AGMO: variants seen among roughly 807,000 people sequenced by gnomAD.
AGMO encodes the protein glyceryl-ether monooxygenase.
Under a neutral mutation model 60.2 loss-of-function variants are expected in AGMO, and 75 were observed. The observed-to-expected ratio is 1.25, with a 90% confidence interval of 1.03 to 1.51. The LOEUF (loss-of-function observed/expected upper bound fraction) is 1.51, where lower values mean the gene tolerates loss of function less well. Among genes scored for constraint, AGMO ranks in the 40% most tolerant of loss-of-function variants. The probability of loss-of-function intolerance (pLI) is 0.00; values close to 1 mark genes in which losing one functional copy is unlikely to be tolerated. For missense variants in AGMO, 763 were observed against 525.5 expected, an observed-to-expected ratio of 1.45 and a Z score of -4.42; for synonymous variants, 261 against 177.1, an observed-to-expected ratio of 1.47 and a Z score of -3.76.
At chr7:15,395,500 T>C (rs1024658379) in intron 5 of AGMO, among the ~76,000 whole-genome samples, 4 of 152,094 alleles carry the variant, frequency 2.6e-5, no homozygotes, top group African/African-American at 9.7e-5. Flanking sequence ...TTGGGAGTTA[T>C]AATAACATTG....
intron 5 of AGMO, among the ~76,000 whole-genome samples, chr7:15,402,016 C>A (rs1392292022): frequency 2.0e-5 from 3 of 151,316 alleles, no homozygotes; most frequent in African/African-American, 7.2e-5. Flanking sequence ...TTATTCACTG[C>A]CACCAGTATT....
the AGMO span, among the ~76,000 whole-genome samples, chr7:15,134,489 T>A: frequency 6.6e-6 from 1 of 152,146 alleles, no homozygotes; most frequent in Non-Finnish European, 1.5e-5. Flanking sequence ...GTGTTGGTTG[T>A]TCCCTTCCTT....
rs1019224229 is a variant in AGMO at position 15,471,039 on chromosome 7, T to C, written c.410-39931A>G. On this transcript the variant is annotated intron_variant, in intron 3 of 12. Transcript: ENST00000342526. ...TGGAGATACATTTGCTCTCTGGATT[T>C]AGTGATATATTGCAACTCCAGCACA... Among the ~76,000 whole-genome samples, 7 of 152,108 alleles carry C rather than the reference T, an allele frequency of 4.6e-5. No individual in the cohort carries two copies. The Middle Eastern group carries it at 0.01, about 222-fold the overall frequency.
chr7:15,284,013 A>T (rs1784035880), intron 12 of AGMO, among the ~76,000 whole-genome samples: 1 of 152,120 alleles, frequency 6.6e-6, no homozygotes. Flanking sequence ...GATGGAATTT[A>T]AAAAGTTATT....
At chr7:15,201,416 T>A in intron 12 of AGMO, 57 bp from the exon 13 acceptor site, 1 of 1,207,866 alleles carries the variant, frequency 8.3e-7, no homozygotes, top group South Asian at 1.3e-5. Context: ...ATACTATTGC[T>A]CAACTGAATT....
chr7:15,541,125 T>C (rs1488301027), intron 3 of AGMO, among the ~76,000 whole-genome samples: 2 of 152,222 alleles, frequency 1.3e-5, no homozygotes, highest in African/African-American at 4.8e-5. Flanking sequence ...TTTTTTGTTT[T>C]TGTGGGTTTT....
chr7:15,258,913 G>GA (rs1783185490), intron 12 of AGMO, among the ~76,000 whole-genome samples: 1 of 151,104 alleles, frequency 6.6e-6, no homozygotes, highest in African/African-American at 2.4e-5. Flanking sequence ...CAGGAAAAAA[G>GA]AATCTGAACA....
chr7:15,480,077 G>A (rs1782709400), intron 3 of AGMO, among the ~76,000 whole-genome samples: 2 of 152,124 alleles, frequency 1.3e-5, no homozygotes, highest in Admixed American at 6.6e-5. Flanking sequence ...GTCAAAAGCG[G>A]TTACTATAGC....
intron 12 of AGMO, among the ~76,000 whole-genome samples, chr7:15,257,096 T>C (rs1009872018): frequency 2.6e-5 from 4 of 152,224 alleles, no homozygotes; most frequent in African/African-American, 9.6e-5. Context: ...TATGTTTTTG[T>C]ATGCTGCGGT....
At chr7:15,491,456 T>C (rs1029989061) in intron 3 of AGMO, among the ~76,000 whole-genome samples, 1 of 152,190 alleles carries the variant, frequency 6.6e-6, no homozygotes, top group Non-Finnish European at 1.5e-5. Flanking sequence ...GAAATTTCTG[T>C]TATTAAACCC....
intron 12 of AGMO, among the ~76,000 whole-genome samples, chr7:15,303,334 C>T (rs1780508436): frequency 6.6e-6 from 1 of 151,036 alleles, no homozygotes; most frequent in Non-Finnish European, 1.5e-5. Context: ...ATTTAAGATA[C>T]ATTAGGTAAA....
chr7:15,540,134 G>C (rs1339230313), intron 3 of AGMO, among the ~76,000 whole-genome samples: 1 of 152,104 alleles, frequency 6.6e-6, no homozygotes, highest in East Asian at 1.9e-4. Flanking sequence ...CTATAGAACT[G>C]AGGGAGAGAG....
chr7:15,196,111 C>T (rs755005964), downstream of AGMO, among the ~76,000 whole-genome samples: 1 of 150,848 alleles, frequency 6.6e-6, no homozygotes, highest in South Asian at 2.1e-4. Flanking sequence ...GGTGTGATCT[C>T]GGCTCACTGC....
intron 12 of AGMO, among the ~76,000 whole-genome samples, chr7:15,222,113 T>G (rs1418418274): frequency 6.6e-6 from 1 of 152,222 alleles, no homozygotes; most frequent in South Asian, 2.1e-4. Context: ...AGATGTAAGC[T>G]TCAAATTAGT....
At chr7:15,376,221 A>C (rs767862495) in intron 10 of AGMO, among the ~76,000 whole-genome samples, 57 of 151,994 alleles carry the variant, frequency 3.8e-4, no homozygotes, top group Non-Finnish European at 7.6e-4. Flanking sequence ...CTTAGTTACC[A>C]CCGAAAATCT....
rs1276665339 is a variant in AGMO, at chr7:15,322,552, A to G, written c.1263+42962T>C. Among the ~76,000 whole-genome samples the G allele has an allele frequency of 6.8e-3, 414 of 60,568 alleles. 17 individuals are homozygous for G. The highest frequency in any genetic ancestry group is 0.034 in the African/African-American group (391 of 11,524). 39.7% of individuals were successfully genotyped at this position (60,568 alleles called of 152,430 possible). A position where few individuals can be genotyped will look rare whatever the true frequency, so the allele number is the denominator to read the frequency against. The stretch of plus-strand genomic sequence containing the variant: ...AATATATAAATATATATATAAATAT[A>G]TATAAATATATAAATATATATAAAT... On this transcript the variant is annotated intron_variant, in intron 12 of 12. Transcript: ENST00000342526.
At chr7:15,294,071 T>C (rs1784349347) in intron 12 of AGMO, among the ~76,000 whole-genome samples, 1 of 152,132 alleles carries the variant, frequency 6.6e-6, no homozygotes, top group African/African-American at 2.4e-5. Flanking sequence ...ATAATTAAAT[T>C]TTTGAAGTTC....
intron 12 of AGMO, among the ~76,000 whole-genome samples, chr7:15,348,486 T>C (rs1428795165): frequency 6.6e-6 from 1 of 152,068 alleles, no homozygotes; most frequent in East Asian, 1.9e-4. Context: ...TAACACAAAT[T>C]TGAAAATCTT....
At chr7:15,149,978 T>C in the AGMO span, among the ~76,000 whole-genome samples, 1 of 152,122 alleles carries the variant, frequency 6.6e-6, no homozygotes, top group Non-Finnish European at 1.5e-5. Context: ...GTTTGTGTCA[T>C]CTCTGATTTG....
Sources: gnomAD v4.1 joint callset for allele counts (sites outside exome capture counted in the v4.1 genomes callset) on GRCh38, gnomAD v4.1.1 for gene constraint, MANE v1.5 for transcripts, NCBI Gene and HGNC (gene_info 2026-07-23, HGNC 2026-07-21) for gene names.